The following RPAP2 variants were observed in gnomAD, a reference collection of about 807,000 sequenced individuals.
RPAP2 encodes the protein putative RNA polymerase II subunit B1 CTD phosphatase RPAP2.
Under a neutral mutation model 73.1 loss-of-function variants are expected in RPAP2, and 52 were observed. That is an observed-to-expected ratio of 0.71 (90% confidence interval 0.57 to 0.90). The LOEUF (loss-of-function observed/expected upper bound fraction) is 0.90. Among genes scored for constraint, RPAP2 ranks in the 40% least tolerant of loss-of-function variants. RPAP2 has a pLI of 0.00. For synonymous variants in RPAP2, 225 were observed against 242.1 expected (o/e 0.93, Z 0.65); for missense variants, 598 against 701.8 (o/e 0.85, Z 1.67).
At position 92,323,535 on chromosome 1, in the gene RPAP2, A is replaced by G; in HGVS notation, c.615A>G (p.Glu205=). Residue 205 remains glutamate (E), a synonymous_variant, in exon 8 of 13, where the codon GAA becomes GAG. Transcript: ENST00000610020. ...CTAGCCACTTTGAAAAGCAATATGAATCTAGTTCTTCTAGCACTCACAGTG... is the reference window on the plus strand; with the variant it reads ...CTAGCCACTTTGAAAAGCAATATGAGTCTAGTTCTTCTAGCACTCACAGTG... ...DNPSHFEKQY[E]SSSSSTHSDS... The G allele has an allele frequency of 6.2e-7, 1 of 1,613,802 alleles. No individual in the cohort carries two copies. Among genetic ancestry groups the G allele is most frequent in the South Asian group, 1.1e-5 (1 of 91,074 alleles).
At position 92,308,429 on chromosome 1, in the gene RPAP2, GCCCAGTACTT is replaced by G. The variant is rs1651377277; in HGVS notation, c.488+1157_488+1166del. Among the ~76,000 whole-genome samples, 15 of 152,232 alleles carry G rather than the reference GCCCAGTACTT, an allele frequency of 9.9e-5. No individual in the cohort carries two copies. The South Asian group carries it at 3.1e-3, about 32-fold the overall frequency. ...TCTTAATATTTCTGTCACTAGAGCT[GCCCAGTACTT>G]CCCCAGTCCTCTGAGAGCAACATGT... is the stretch of plus-strand genomic sequence containing the variant. On this transcript the variant is annotated intron_variant, in intron 6 of 12. Coordinates refer to ENST00000610020, the MANE Select transcript of RPAP2 (RefSeq NM_024813.3).
chr1:92,376,609 T>C (rs1655396812), intron 11 of RPAP2, among the ~76,000 whole-genome samples: 1 of 152,220 alleles, frequency 6.6e-6, no homozygotes, highest in Non-Finnish European at 1.5e-5. Flanking sequence ...CTTTGTGTGA[T>C]TTCTCTATCA....
chr1:92,328,601 C>T (rs1652781209), intron 8 of RPAP2, among the ~76,000 whole-genome samples: 1 of 152,132 alleles, frequency 6.6e-6, no homozygotes, highest in African/African-American at 2.4e-5. Context: ...TCTCTGGTGC[C>T]TCCTTGATTA....
chr1:92,316,555 T>A lies in RPAP2; in HGVS notation c.489-4044T>A, dbSNP rs544928534. On this transcript the variant is annotated intron_variant, in intron 6 of 12. Transcript: ENST00000610020. ...GCTAAAATGAAAACCAATCATCTAA[T>A]TTATACCTTAGTGAAAGTAAGATGA... Among the ~76,000 whole-genome samples, 45 of 152,352 alleles carry A rather than the reference T, an allele frequency of 3.0e-4. 1 individual carries two copies. The South Asian group carries it at 8.9e-3, about 30-fold the overall frequency.
intron 7 of RPAP2, among the ~76,000 whole-genome samples, chr1:92,321,005 T>C (rs1352249409): frequency 6.6e-6 from 1 of 152,218 alleles, no homozygotes; most frequent in Non-Finnish European, 1.5e-5. Context: ...AATGTACCAG[T>C]TACTTAATTA....
At chr1:92,306,714 C>T (rs989820511) in intron 5 of RPAP2, among the ~76,000 whole-genome samples, 43 of 152,148 alleles carry the variant, frequency 2.8e-4, no homozygotes, top group African/African-American at 9.4e-4. Flanking sequence ...GGTGGCACGC[C>T]TGTAGTCCAA....
At chr1:92,371,304 CAAAAAA>C (rs1304166097) in intron 11 of RPAP2, among the ~76,000 whole-genome samples, 2 of 90,538 alleles carry the variant, frequency 2.2e-5, no homozygotes, top group South Asian at 5.3e-4. Context: ...GTCTCTGTCT[CAAAAAA>C]AAAAAAAAAA....
Position 92,395,865 on chromosome 1 carries a change from A to G in RPAP2, c.*8854A>G. 1 of 152,184 alleles carries G rather than the reference A, an allele frequency of 6.6e-6. No homozygotes were observed. 9.4% of individuals were successfully genotyped at this position (152,184 alleles called of 1,614,324 possible). On this transcript the variant is annotated 3_prime_UTR_variant, in exon 13 of 13. Transcript: ENST00000610020. ...GAAGAGATGTGTACTATCACTAGTC[A>G]TTAGGAAAATACAAGTTAAAAGCAA...
In RPAP2 at chr1:92,333,355, T is replaced by C. The variant is rs367735767; in HGVS notation, c.1456-36T>C. 73 of 1,493,582 alleles carry C rather than the reference T, an allele frequency of 4.9e-5. No individual in the cohort carries two copies. In the African/African-American group the frequency reaches 6.6e-4, roughly 14 times the overall value. The allele number at this position is 1,493,582 out of a possible 1,614,324, so 92.5% of individuals were successfully genotyped here. ...TTATCAAAGAAAGAATGTAAACTTA[T>C]GATTCTGTTTTGCTTTGTTTAAAAA... On this transcript the variant is annotated intron_variant, in intron 8 of 12. Coordinates refer to ENST00000610020, the MANE Select transcript of RPAP2 (RefSeq NM_024813.3).
rs772984183 is a variant in RPAP2, at chr1:92,363,800, G to C, written c.1689-16924G>C. On this transcript the variant is annotated intron_variant, in intron 11 of 12. Coordinates refer to ENST00000610020, the MANE Select transcript of RPAP2 (RefSeq NM_024813.3). ...ATATATTTTCTCTTCTTTATGATTT[G>C]CTTAACATTTTTTTTCCTCTAGCTT... 3 of 273,798 alleles carry C rather than the reference G, an allele frequency of 1.1e-5. No individual in the cohort carries two copies. In the South Asian group the frequency reaches 1.2e-4, roughly 11 times the overall value. 17.0% of individuals were successfully genotyped at this position (273,798 alleles called of 1,614,324 possible).
At chr1:92,376,435 T>C (rs1331287261) in intron 11 of RPAP2, among the ~76,000 whole-genome samples, 2 of 152,204 alleles carry the variant, frequency 1.3e-5, no homozygotes, top group Non-Finnish European at 2.9e-5. Flanking sequence ...CTGACTAAAC[T>C]TTCCAAGAAT....
chr1:92,305,432 CAAAA>C lies in RPAP2; in HGVS notation c.399+1099_399+1102del, dbSNP rs71091273. On this transcript the variant is annotated intron_variant, in intron 5 of 12. Transcript: ENST00000610020. ...GGGGCAACAGAGTGAGGCTCCGTCT[CAAAA>C]AAAAAAAAAAAAAAAGACAATATGG... Among the ~76,000 whole-genome samples, 8 of 52,696 alleles carry C rather than the reference CAAAA, an allele frequency of 1.5e-4. 1 individual carries two copies. The highest frequency in any genetic ancestry group is 4.9e-4 in the Admixed American group (2 of 4,048). The allele number at this position is 52,696 out of a possible 152,430, so 34.6% of individuals were successfully genotyped here. A position where few individuals can be genotyped will look rare whatever the true frequency, so the allele number is the denominator to read the frequency against.
intron 6 of RPAP2, among the ~76,000 whole-genome samples, chr1:92,309,440 C>A (rs201253116): frequency 5.2e-4 from 76 of 145,758 alleles, no homozygotes; most frequent in East Asian, 1.2e-3. Flanking sequence ...GACTCCATCT[C>A]AAAAAAAAAA....
chr1:92,361,906 G>A (rs766452336), intron 11 of RPAP2, among the ~76,000 whole-genome samples: 7 of 152,122 alleles, frequency 4.6e-5, no homozygotes, highest in African/African-American at 7.2e-5. Context: ...TCACCAGGTC[G>A]ATAGAGGTGG....
chr1:92,299,131 T>A lies in RPAP2; in HGVS notation c.58T>A (p.Ser20Thr). ...AGRKAGAPRC[S>T]RKAAGTKQTS... ...CCGCAAGGCCGGGGCTCCCCGCTGC[T>A]CTCGAAAAGCCGCAGGTAGGAGCAA... The change falls in exon 1 of 13, where the codon TCT (serine) becomes ACT (threonine). Residue 20 changes from serine to threonine, a missense_variant. Coordinates refer to ENST00000610020, the MANE Select transcript of RPAP2 (RefSeq NM_024813.3). 6.6e-7 allele frequency: 1 copy of A among 1,519,502 alleles called. No individual in the cohort carries two copies. The highest frequency in any genetic ancestry group is 8.8e-7 in the Non-Finnish European group (1 of 1,130,020). 94.1% of individuals were successfully genotyped at this position (1,519,502 alleles called of 1,614,324 possible). A position where few individuals can be genotyped will look rare whatever the true frequency, so the allele number is the denominator to read the frequency against.
intron 10 of RPAP2, among the ~76,000 whole-genome samples, chr1:92,343,989 C>G (rs1002682577): frequency 1.3e-5 from 2 of 152,196 alleles, no homozygotes; most frequent in Admixed American, 1.3e-4. Context: ...CTTTCCCAAT[C>G]CATTCTTCGT....
At chr1:92,305,780 A>G (rs189171848) in intron 5 of RPAP2, among the ~76,000 whole-genome samples, 232 of 152,300 alleles carry the variant, frequency 1.5e-3, no homozygotes, top group African/African-American at 5.3e-3. Context: ...AAACACACTG[A>G]GTTTTGTTTT....
At chr1:92,372,003 G>A (rs1041609694) in intron 11 of RPAP2, among the ~76,000 whole-genome samples, 2 of 151,616 alleles carry the variant, frequency 1.3e-5, no homozygotes, top group Admixed American at 6.6e-5. Context: ...AGATTTAAGT[G>A]TTCTTACCAC....
chr1:92,309,574 TACATATACATAC>T (rs1484751192), intron 6 of RPAP2, among the ~76,000 whole-genome samples: 77 of 9,816 alleles, frequency 7.8e-3, no homozygotes, highest in East Asian at 0.062. Flanking sequence ...CATACACATA[TACATATACATAC>T]ACATACACAT....
Sources: gnomAD v4.1 joint callset for allele counts (sites outside exome capture counted in the v4.1 genomes callset) on GRCh38, gnomAD v4.1.1 for gene constraint, MANE v1.5 for transcripts, NCBI Gene and HGNC (gene_info 2026-07-23, HGNC 2026-07-21) for gene names.